Variants in TAMM41 observed in about 807,000 individuals in gnomAD.
The protein encoded by TAMM41 is TAM41 mitochondrial translocator assembly and maintenance homolog, also known as phosphatidate cytidylyltransferase, mitochondrial.
A neutral mutation model predicts 44.1 loss-of-function variants in TAMM41; 36 were observed. That is an observed-to-expected ratio of 0.82 (90% CI 0.63 to 1.08). The LOEUF (loss-of-function observed/expected upper bound fraction) is 1.08. Ranked by LOEUF, TAMM41 falls within the 50% of genes least tolerant of loss-of-function variation. TAMM41 has a pLI of 0.00. For synonymous variants in TAMM41, 164 were observed against 153.1 expected (o/e 1.07, Z -0.53); for missense variants, 417 against 404.3 (o/e 1.03, Z -0.27).
At chr3:11,831,486 A>T (rs1324743980) in intron 3 of TAMM41, among the ~76,000 whole-genome samples, 1 of 152,210 alleles carries the variant, frequency 6.6e-6, no homozygotes, top group Non-Finnish European at 1.5e-5. Flanking sequence ...GGACTCTCAT[A>T]TGTCTAAAAT....
intron 4 of TAMM41, among the ~76,000 whole-genome samples, chr3:11,829,452 CT>C (rs1277259715): frequency 6.6e-6 from 1 of 152,148 alleles, no homozygotes; most frequent in Non-Finnish European, 1.5e-5. Context: ...ATTCTTGAAA[CT>C]TTTCTGTAAG....
At chr3:11,790,974 C>T (rs182250950) in intron 7 of TAMM41, among the ~76,000 whole-genome samples, 17 of 152,342 alleles carry the variant, frequency 1.1e-4, no homozygotes, top group Non-Finnish European at 2.2e-4. Flanking sequence ...CTCTATGTCA[C>T]TGTGAAAGGC....
At chr3:11,733,346 C>T in the TAMM41 span, among the ~76,000 whole-genome samples, 1 of 152,202 alleles carries the variant, frequency 6.6e-6, no homozygotes, top group Non-Finnish European at 1.5e-5. Context: ...GGAGAATAGA[C>T]TGTCGGTGGG....
the TAMM41 span, among the ~76,000 whole-genome samples, chr3:11,748,911 A>AT: frequency 0.45 from 52,838 of 118,550 alleles, 13,179 homozygotes; most frequent in Middle Eastern, 0.54. Flanking sequence ...TGGGAAGTAG[A>AT]TTTTTTTTTT....
chr3:11,731,466 G>A, the TAMM41 span, among the ~76,000 whole-genome samples: 271 of 152,108 alleles, frequency 1.8e-3, 1 homozygote, highest in African/African-American at 6.3e-3. Context: ...CTGCATTCCA[G>A]CCTGGGTGAC....
chr3:11,756,865 C>CAAAA, the TAMM41 span, among the ~76,000 whole-genome samples: 4 of 131,498 alleles, frequency 3.0e-5, no homozygotes, highest in Admixed American at 8.0e-5. Context: ...AATTCCGTCT[C>CAAAA]AAAAAAAAAA....
At chr3:11,843,804 C>A in intron 2 of TAMM41, 1 of 520,898 alleles carries the variant, frequency 1.9e-6, no homozygotes, top group Non-Finnish European at 3.4e-6. Context: ...AGGAAGGACT[C>A]CAGTCCCTGC....
chr3:11,770,558 G>A, the TAMM41 span, among the ~76,000 whole-genome samples: 4 of 152,226 alleles, frequency 2.6e-5, no homozygotes, highest in South Asian at 4.1e-4. Context: ...CTTTGCTCTC[G>A]GCTACGATTC....
At chr3:11,728,380 A>G in the TAMM41 span, among the ~76,000 whole-genome samples, 1 of 152,240 alleles carries the variant, frequency 6.6e-6, no homozygotes, top group Non-Finnish European at 1.5e-5. Context: ...CAAGTCCTCT[A>G]CTGCTCAGAA....
Position 11,844,090 on chromosome 3 carries a change from G to A in TAMM41, c.257C>T (p.Ser86Phe), listed in dbSNP as rs748386785. 2.7e-5 allele frequency: 43 copies of A among 1,614,086 alleles called. No homozygotes were observed. The highest frequency in any genetic ancestry group is 3.4e-5 in the Non-Finnish European group (40 of 1,180,036). Residue 86 changes from serine (S) to phenylalanine (F), a missense_variant, in exon 2 of 8, where the codon TCC becomes TTC. Transcript: ENST00000455809. ...LKVLGPKIIT[S>F]IQNNYGAGVY... ...TCCAGCGCCATAGTTATTCTGGATG[G>A]ACGTGATAATCTTGGGCCCTAAAAC... is the stretch of plus-strand genomic sequence containing the variant.
At chr3:11,809,967 A>T in intron 5 of TAMM41, 1 of 293,888 alleles carries the variant, frequency 3.4e-6, no homozygotes, top group South Asian at 8.6e-5. Flanking sequence ...TTGGTTTTAA[A>T]ATTTATATTT....
the TAMM41 span, among the ~76,000 whole-genome samples, chr3:11,756,307 G>T: frequency 6.6e-6 from 1 of 152,088 alleles, no homozygotes; most frequent in Non-Finnish European, 1.5e-5. Flanking sequence ...TACTTATCCT[G>T]AGTGTGATTC....
intron 7 of TAMM41, among the ~76,000 whole-genome samples, chr3:11,794,697 C>T (rs148547400): frequency 2.4e-4 from 36 of 152,218 alleles, no homozygotes; most frequent in African/African-American, 7.7e-4. Context: ...TGACCTACAG[C>T]GAAGTTAATA....
the TAMM41 span, among the ~76,000 whole-genome samples, chr3:11,774,862 T>C: frequency 7.1e-6 from 1 of 139,940 alleles, no homozygotes; most frequent in Admixed American, 8.1e-5. Flanking sequence ...TACCATCACA[T>C]TGAAAGCATT....
intron 5 of TAMM41, among the ~76,000 whole-genome samples, chr3:11,814,170 C>T (rs905812640): frequency 4.6e-5 from 7 of 151,708 alleles, no homozygotes; most frequent in African/African-American, 1.5e-4. Flanking sequence ...AGAGTGAAAT[C>T]CCCTCTCAAA....
intron 3 of TAMM41, among the ~76,000 whole-genome samples, chr3:11,836,307 A>G (rs1362868894): frequency 6.6e-6 from 1 of 151,788 alleles, no homozygotes; most frequent in Non-Finnish European, 1.5e-5. Flanking sequence ...CCAATTTTCA[A>G]TACCTTTGTG....
At chr3:11,753,708 G>C in the TAMM41 span, among the ~76,000 whole-genome samples, 1 of 152,066 alleles carries the variant, frequency 6.6e-6, no homozygotes, top group Non-Finnish European at 1.5e-5. Flanking sequence ...CTGCACTCCA[G>C]CCTGGGCGAC....
the TAMM41 span, among the ~76,000 whole-genome samples, chr3:11,730,072 T>C: frequency 6.6e-6 from 1 of 152,170 alleles, no homozygotes; most frequent in Non-Finnish European, 1.5e-5. Flanking sequence ...AAAAGACCTT[T>C]GGAGAATCTC....
At chr3:11,818,149 G>C (rs1268641540) in intron 4 of TAMM41, among the ~76,000 whole-genome samples, 1 of 152,218 alleles carries the variant, frequency 6.6e-6, no homozygotes, top group Non-Finnish European at 1.5e-5. Context: ...CGTGGTGAAA[G>C]CAATGTGGCT....
Sources: gnomAD v4.1 joint callset for allele counts (sites outside exome capture counted in the v4.1 genomes callset) on GRCh38, gnomAD v4.1.1 for gene constraint, MANE v1.5 for transcripts, NCBI Gene and HGNC (gene_info 2026-07-23, HGNC 2026-07-21) for gene names.